CFAP20DC: variants seen among roughly 807,000 people sequenced by gnomAD.
The protein encoded by CFAP20DC is CFAP20 domain containing, also known as protein CFAP20DC.
CFAP20DC carries 84 observed loss-of-function variants against 101.7 expected under a neutral mutation model. The observed-to-expected ratio is 0.83, with a 90% CI of 0.69 to 0.99. The LOEUF (loss-of-function observed/expected upper bound fraction) is 0.99, where lower values mean the gene tolerates loss of function less well. CFAP20DC is among the 50% of genes least tolerant of loss of function. CFAP20DC has a pLI of 0.00. For missense variants in CFAP20DC, 1,007 were observed against 970.3 expected, an observed-to-expected ratio of 1.04 and a Z score of -0.50; for synonymous variants, 359 against 351.2, an observed-to-expected ratio of 1.02 and a Z score of -0.25.
intron 4 of CFAP20DC, among the ~76,000 whole-genome samples, chr3:59,010,527 T>A (rs1000468002): frequency 6.6e-6 from 1 of 152,112 alleles, no homozygotes; most frequent in Non-Finnish European, 1.5e-5. Context: ...TAAATATATA[T>A]GCACCTAATA....
intron 7 of CFAP20DC, among the ~76,000 whole-genome samples, chr3:58,877,461 A>G (rs1457774655): frequency 6.6e-6 from 1 of 152,230 alleles, no homozygotes; most frequent in South Asian, 2.1e-4. Flanking sequence ...CTTGAGACTT[A>G]AAGGATGATG....
At chr3:59,028,135 G>A (rs1345104880) in intron 4 of CFAP20DC, among the ~76,000 whole-genome samples, 1 of 152,174 alleles carries the variant, frequency 6.6e-6, no homozygotes, top group East Asian at 1.9e-4. Flanking sequence ...AATGTGCTTA[G>A]ATAATTGCTG....
intron 14 of CFAP20DC, among the ~76,000 whole-genome samples, chr3:58,807,795 C>T (rs988371996): frequency 6.6e-6 from 1 of 152,056 alleles, no homozygotes; most frequent in African/African-American, 2.4e-5. Context: ...AAACCAAAGG[C>T]AAAGAAGTTA....
chr3:58,809,826 A>G (rs948104987), intron 14 of CFAP20DC, among the ~76,000 whole-genome samples: 2 of 152,194 alleles, frequency 1.3e-5, no homozygotes, highest in Non-Finnish European at 2.9e-5. Context: ...AAAGAAAAAA[A>G]GAGAGAAGAA....
intron 4 of CFAP20DC, among the ~76,000 whole-genome samples, chr3:58,938,190 T>A (rs1005010366): frequency 1.3e-5 from 2 of 152,234 alleles, no homozygotes; most frequent in Non-Finnish European, 2.9e-5. Flanking sequence ...TCATTTTGTA[T>A]AGGCTCTTAG....
chr3:58,898,211 G>A (rs551356125), intron 6 of CFAP20DC, among the ~76,000 whole-genome samples: 136 of 147,356 alleles, frequency 9.2e-4, no homozygotes, highest in African/African-American at 3.3e-3. Flanking sequence ...GTCTCACTCT[G>A]TCACCCAGGC....
chr3:58,827,326 G>A (rs1395421639), intron 14 of CFAP20DC, among the ~76,000 whole-genome samples: 2 of 150,528 alleles, frequency 1.3e-5, no homozygotes, highest in Non-Finnish European at 2.9e-5. Context: ...GAGAAGAGAT[G>A]AGCATGGCCT....
chr3:58,741,759 A>G (rs1048381207), downstream of CFAP20DC, among the ~76,000 whole-genome samples: 6 of 148,510 alleles, frequency 4.0e-5, no homozygotes, highest in Non-Finnish European at 9.0e-5. Flanking sequence ...GCCTCCCAAG[A>G]TTTTTTTTTT....
chr3:58,810,662 C>G (rs966531845), intron 14 of CFAP20DC, among the ~76,000 whole-genome samples: 65 of 148,396 alleles, frequency 4.4e-4, no homozygotes, highest in Non-Finnish European at 8.5e-4. Flanking sequence ...GATGCCCTCT[C>G]TCACCACTCC....
Position 58,849,358 on chromosome 3 carries a change from A to G in CFAP20DC, c.1645T>C (p.Leu549=). Residue 549 remains leucine (L), a synonymous_variant, in exon 13 of 17, where the codon TTA becomes CTA. Transcript: ENST00000482387. ...SRGPTTGPSE[L]TQLTLESLLG... is the part of the protein sequence containing the mutation. The stretch of plus-strand genomic sequence containing the variant: ...AGGCTCTCTAATGTTAACTGAGTTA[A>G]CTCTGAAGGACCAGTTGTTGGGCCT... 1 of 1,535,660 alleles carries G rather than the reference A, an allele frequency of 6.5e-7. No homozygotes were observed. The highest frequency in any genetic ancestry group is 8.7e-7 in the Non-Finnish European group (1 of 1,146,672).
intron 4 of CFAP20DC, 144 bp downstream of exon 4, chr3:59,039,413 T>A: frequency 1.7e-6 from 1 of 575,434 alleles, no homozygotes; most frequent in South Asian, 2.3e-5. Context: ...ATTAAATTAG[T>A]TTAATTACTT....
chr3:58,841,322 G>C (rs1377419485), intron 13 of CFAP20DC, among the ~76,000 whole-genome samples: 1 of 152,168 alleles, frequency 6.6e-6, no homozygotes, highest in Non-Finnish European at 1.5e-5. Flanking sequence ...CATTTGAGTG[G>C]CAAATGGAAA....
chr3:59,043,715 T>C (rs893595939), intron 3 of CFAP20DC, among the ~76,000 whole-genome samples: 3 of 152,022 alleles, frequency 2.0e-5, no homozygotes, highest in Admixed American at 1.3e-4. Flanking sequence ...AAATGACATA[T>C]GTTTATGTGT....
intron 16 of CFAP20DC, among the ~76,000 whole-genome samples, chr3:58,753,468 A>C (rs2068712120): frequency 6.6e-6 from 1 of 152,196 alleles, no homozygotes; most frequent in Non-Finnish European, 1.5e-5. Flanking sequence ...CACAGTGGGA[A>C]CTGGTAGTGC....
chr3:59,049,504 G>A, intron 1 of CFAP20DC, 107 bp downstream of exon 1: 3 of 1,070,018 alleles, frequency 2.8e-6, no homozygotes, highest in Non-Finnish European at 4.2e-6. Flanking sequence ...CCCTGAAAAA[G>A]ACCTTATTAT....
rs991661898 is a variant in CFAP20DC at position 59,014,190 on chromosome 3, G to A, written c.278+25367C>T. Among the ~76,000 whole-genome samples the A allele has an allele frequency of 1.3e-5, 2 of 152,112 alleles. No homozygotes were observed. Among genetic ancestry groups the A allele is most frequent in the African/African-American group, 2.4e-5 (1 of 41,446 alleles). On this transcript the variant is annotated intron_variant, in intron 4 of 16. Coordinates refer to ENST00000482387, the MANE Select transcript of CFAP20DC (RefSeq NM_001394063.1). This position sits in a 1 kb window ranked among gnomAD's most constrained non-coding sequence, Gnocchi z 4.9. Reference sequence around the variant, plus strand: ...GCCTAGAGTGATGGATGGCCTTGAAGAATTTCTTGTTCACTGACCAGATCA... The same window carrying A: ...GCCTAGAGTGATGGATGGCCTTGAAAAATTTCTTGTTCACTGACCAGATCA...
intron 16 of CFAP20DC, among the ~76,000 whole-genome samples, chr3:58,749,709 G>GGTT (rs145255022): frequency 0.12 from 18,309 of 152,054 alleles, 1,966 homozygotes; most frequent in East Asian, 0.35. Context: ...TGAAGACAGA[G>GGTT]GTTATTATTC....
intron 4 of CFAP20DC, among the ~76,000 whole-genome samples, chr3:58,954,784 G>A (rs920386780): frequency 6.6e-6 from 1 of 152,058 alleles, no homozygotes; most frequent in African/African-American, 2.4e-5. Flanking sequence ...AAAATACACT[G>A]TAGCTCATTT....
At position 58,838,117 on chromosome 3, in the gene CFAP20DC, C is replaced by T. The variant is rs375379811; in HGVS notation, c.1972-6228G>A. The stretch of plus-strand genomic sequence containing the variant: ...AAGCTGTAAGTGACACATATTTGTG[C>T]GCATAGCTCATTCACAATTTATGGT... On this transcript the variant is annotated intron_variant, in intron 13 of 16. Transcript: ENST00000482387. 9.9e-5 allele frequency among the ~76,000 whole-genome samples: 15 copies of T among 152,256 alleles called. No homozygotes were observed. In the East Asian group the frequency reaches 1.9e-3, roughly 20 times the overall value.
Sources: allele counts gnomAD v4.1 joint callset (sites outside exome capture counted in the v4.1 genomes callset), GRCh38; gene constraint gnomAD v4.1.1; non-coding constraint Gnocchi (gnomAD v3.1); transcripts MANE v1.5; gene names NCBI Gene and HGNC (gene_info 2026-07-23, HGNC 2026-07-21).